FHIT: variants seen among roughly 807,000 people sequenced by gnomAD.
FHIT encodes fragile histidine triad diadenosine triphosphatase.
Under a neutral mutation model 17.9 loss-of-function variants are expected in FHIT, and 19 were observed. The ratio of observed to expected loss-of-function variants is 1.06; its 90% CI spans 0.74 to 1.56. The LOEUF (loss-of-function observed/expected upper bound fraction) is 1.56, where lower values mean the gene tolerates loss of function less well. Ranked by LOEUF, FHIT falls within the 40% of genes most tolerant of loss-of-function variation. FHIT has a pLI of 0.00. For missense variants in FHIT, 248 were observed against 189.2 expected (o/e 1.31, Z -1.82); for synonymous variants, 81 against 69.7 (o/e 1.16, Z -0.81).
intron 3 of FHIT, among the ~76,000 whole-genome samples, chr3:60,858,397 C>G (rs1703473202): frequency 6.6e-6 from 1 of 152,138 alleles, no homozygotes; most frequent in African/African-American, 2.4e-5. Context: ...ATGAAGGGAG[C>G]AGCATTCAGA....
chr3:60,925,446 T>C (rs1383088664), intron 3 of FHIT, among the ~76,000 whole-genome samples: 2 of 152,196 alleles, frequency 1.3e-5, no homozygotes, highest in Non-Finnish European at 2.9e-5. Flanking sequence ...CAGAATTTCA[T>C]ATCTAGCCAA....
At chr3:59,992,986 C>T (rs1303215059) in intron 7 of FHIT, among the ~76,000 whole-genome samples, 1 of 152,034 alleles carries the variant, frequency 6.6e-6, no homozygotes, top group African/African-American at 2.4e-5. Flanking sequence ...AAGTCCAGGT[C>T]GTTAATGAAA....
At chr3:60,690,663 G>A (rs1345771410) in intron 4 of FHIT, 6 of 502,830 alleles carry the variant, frequency 1.2e-5, no homozygotes, top group African/African-American at 2.0e-5. Flanking sequence ...CGAAGGAGAC[G>A]CAGCCCAAGG....
At chr3:60,278,098 A>G (rs1258843594) in intron 5 of FHIT, among the ~76,000 whole-genome samples, 5 of 152,194 alleles carry the variant, frequency 3.3e-5, no homozygotes, top group African/African-American at 1.2e-4. Context: ...CACGTGTATG[A>G]TAATTTTGAC....
chr3:60,892,845 AT>A (rs1705590584), intron 3 of FHIT, among the ~76,000 whole-genome samples: 1 of 152,230 alleles, frequency 6.6e-6, no homozygotes, highest in Non-Finnish European at 1.5e-5. Context: ...GAAAAGATAC[AT>A]AACTACAAAA....
At chr3:60,458,818 G>A (rs2032277835) in intron 5 of FHIT, among the ~76,000 whole-genome samples, 1 of 152,072 alleles carries the variant, frequency 6.6e-6, no homozygotes, top group African/African-American at 2.4e-5. Context: ...CTGTCGCCCA[G>A]GCTGGAGTGC....
At chr3:60,950,929 A>C (rs1708859169) in intron 3 of FHIT, among the ~76,000 whole-genome samples, 1 of 152,110 alleles carries the variant, frequency 6.6e-6, no homozygotes, top group Non-Finnish European at 1.5e-5. Flanking sequence ...CGTCTGGAGG[A>C]ACAGCAGCTT....
chr3:59,846,459 CTAA>C (rs1701724581), intron 8 of FHIT, among the ~76,000 whole-genome samples: 1 of 151,978 alleles, frequency 6.6e-6, no homozygotes, highest in South Asian at 2.1e-4. Context: ...AAAACATCAA[CTAA>C]TAATTTTTAT....
intron 5 of FHIT, among the ~76,000 whole-genome samples, chr3:60,301,334 G>A (rs1708452589): frequency 6.6e-6 from 1 of 152,116 alleles, no homozygotes; most frequent in South Asian, 2.1e-4. Flanking sequence ...TATTACTAAA[G>A]AATGAAAACA....
chr3:60,570,292 G>C (rs1201464124), intron 4 of FHIT, among the ~76,000 whole-genome samples: 1 of 152,128 alleles, frequency 6.6e-6, no homozygotes, highest in African/African-American at 2.4e-5. Context: ...ATCATACTGA[G>C]GACGAATTTA....
intron 5 of FHIT, among the ~76,000 whole-genome samples, chr3:60,311,996 T>C (rs1708969780): frequency 6.6e-6 from 1 of 152,252 alleles, no homozygotes; most frequent in Admixed American, 6.5e-5. Context: ...ATAAAATCAA[T>C]TTAGTGGGCC....
intron 7 of FHIT, among the ~76,000 whole-genome samples, chr3:60,003,594 T>C (rs212022): frequency 2.0e-5 from 3 of 152,098 alleles, no homozygotes; most frequent in Non-Finnish European, 4.4e-5. Flanking sequence ...AAAATACAAA[T>C]AATAGCTAGG....
chr3:60,262,820 T>A (rs1409813032), intron 5 of FHIT, among the ~76,000 whole-genome samples: 1 of 151,250 alleles, frequency 6.6e-6, no homozygotes, highest in African/African-American at 2.4e-5. Context: ...AGGTACTTTA[T>A]ATGACTTAGT....
At chr3:59,926,880 TA>T (rs1705687670) in intron 7 of FHIT, among the ~76,000 whole-genome samples, 1 of 152,152 alleles carries the variant, frequency 6.6e-6, no homozygotes, top group South Asian at 2.1e-4. Context: ...ACTGGGGATG[TA>T]AAATCACACA....
At chr3:60,832,329 T>TAA (rs1205414560) in intron 3 of FHIT, among the ~76,000 whole-genome samples, 2 of 152,256 alleles carry the variant, frequency 1.3e-5, no homozygotes, top group African/African-American at 4.8e-5. Flanking sequence ...TCACAGTTAC[T>TAA]AAGTTGCAGA....
chr3:60,249,352 C>T lies in FHIT; in HGVS notation c.104-235200G>A, dbSNP rs541961597. 4.6e-3 allele frequency among the ~76,000 whole-genome samples: 706 copies of T among 152,182 alleles called. 9 individuals carry two copies. The highest frequency in any genetic ancestry group is 0.025 in the South Asian group (121 of 4,822). On this transcript the variant is annotated intron_variant, in intron 5 of 9. Coordinates refer to ENST00000492590, the MANE Select transcript of FHIT (RefSeq NM_002012.4). ...ACCGAGTATCTATTTACACTTTTCT[C>T]GGAAACAGCGTCTTCTCCTCCTCCA...
intron 2 of FHIT, among the ~76,000 whole-genome samples, chr3:61,042,629 A>G (rs2033573690): frequency 6.6e-6 from 1 of 152,114 alleles, no homozygotes; most frequent in East Asian, 1.9e-4. Context: ...ACTCGAGGTC[A>G]GCCGTTCGAG....
intron 5 of FHIT, among the ~76,000 whole-genome samples, chr3:60,490,689 A>G (rs1185006174): frequency 1.3e-5 from 2 of 151,388 alleles, no homozygotes; most frequent in South Asian, 2.1e-4. Flanking sequence ...AAAAAAAAAG[A>G]TTAGATTTCA....
intron 5 of FHIT, among the ~76,000 whole-genome samples, chr3:60,157,632 G>C (rs1370689879): frequency 6.6e-6 from 1 of 152,188 alleles, no homozygotes; most frequent in African/African-American, 2.4e-5. Flanking sequence ...TTAGCCTGGA[G>C]AATGATACCT....
Sources: gnomAD v4.1 joint callset for allele counts (sites outside exome capture counted in the v4.1 genomes callset) on GRCh38, gnomAD v4.1.1 for gene constraint, MANE v1.5 for transcripts, NCBI Gene and HGNC (gene_info 2026-07-23, HGNC 2026-07-21) for gene names.